The following SLC6A19 variants were observed in gnomAD, a reference collection of about 807,000 sequenced individuals.
SLC6A19 encodes solute carrier family 6 member 19, also known as sodium-dependent neutral amino acid transporter B(0)AT1.
In SLC6A19, 67 loss-of-function variants were observed where a neutral mutation model predicts 68.3. That is an observed-to-expected ratio of 0.98 (90% CI 0.81 to 1.20). The LOEUF (loss-of-function observed/expected upper bound fraction) is 1.20, where lower values mean the gene tolerates loss of function less well. Among genes scored for constraint, SLC6A19 ranks in the 50% most tolerant of loss-of-function variants. SLC6A19 has a pLI of 0.00. For missense variants in SLC6A19, 813 were observed against 851.6 expected, an observed-to-expected ratio of 0.95 and a Z score of 0.56; for synonymous variants, 392 against 374.9, an observed-to-expected ratio of 1.05 and a Z score of -0.53.
rs35329108 is a variant in SLC6A19, at chr5:1,216,785, G to A, written c.1017-4G>A. The A allele has an allele frequency of 0.23, 363,562 of 1,613,594 alleles. 42,374 individuals carry two copies. The highest frequency in any genetic ancestry group is 0.32 in the African/African-American group (24,006 of 75,004). Reference sequence around the variant, plus strand: ...GTGGCCGTCAGCCTCAATCTGACCCGCAGGAACATCCTGACCCTCATCAAC... The same window carrying A: ...GTGGCCGTCAGCCTCAATCTGACCCACAGGAACATCCTGACCCTCATCAAC... On this transcript the variant is annotated splice_polypyrimidine_tract_variant and splice_region_variant and intron_variant, in intron 7 of 11. Coordinates refer to ENST00000304460, the MANE Select transcript of SLC6A19 (RefSeq NM_001003841.3).
intron 5 of SLC6A19, 25 bp from the exon 6 acceptor site, chr5:1,213,928 G>A (rs1272417739): frequency 1.6e-5 from 26 of 1,611,586 alleles, no homozygotes; most frequent in South Asian, 2.2e-5. Context: ...CACCATGAGT[G>A]GCTGAGGGTC....
In SLC6A19 at chr5:1,203,364, C is replaced by T. The variant is rs1745767472; in HGVS notation, c.202+1512C>T. ...CTGGGAGCGAGCAGCTTTCAAGCAG[C>T]GGGTGCTGGCGCTGCACCCTGGGCC... On this transcript the variant is annotated intron_variant, in intron 1 of 11. Coordinates refer to ENST00000304460, the MANE Select transcript of SLC6A19 (RefSeq NM_001003841.3). Among the ~76,000 whole-genome samples, 4 of 152,310 alleles carry T rather than the reference C, an allele frequency of 2.6e-5. No homozygotes were observed. In the South Asian group the frequency reaches 8.3e-4, roughly 32 times the overall value.
intron 1 of SLC6A19, 63 bp from the exon 2 acceptor site, chr5:1,208,683 G>A (rs1181389344): frequency 1.1e-5 from 18 of 1,611,076 alleles, no homozygotes; most frequent in South Asian, 8.8e-5. Context: ...GCCTGCTCCC[G>A]AGGGAGGCCT....
rs1052478403 is a variant in SLC6A19 at position 1,219,245 on chromosome 5, G to A, written c.1378+138G>A. 3.9e-5 allele frequency: 39 copies of A among 998,464 alleles called. No individual in the cohort carries two copies. The East Asian group carries it at 5.9e-4, about 15-fold the overall frequency. The allele number at this position is 998,464 out of a possible 1,614,324, so 61.9% of individuals were successfully genotyped here. A position where few individuals can be genotyped will look rare whatever the true frequency, so the allele number is the denominator to read the frequency against. On this transcript the variant is annotated intron_variant, in intron 9 of 11. Transcript: ENST00000304460. The stretch of plus-strand genomic sequence containing the variant: ...TGAACAGCTCTGTCCCCGGCCGTGC[G>A]TGCAGCCCCCAGGCGTGTGAACAGC...
rs545364986 is a variant in SLC6A19 at position 1,221,433 on chromosome 5, ACACT to A, written c.1701+124_1701+127del. 2.7e-3 allele frequency: 3,518 copies of A among 1,279,876 alleles called. 9 individuals carry two copies. The highest frequency in any genetic ancestry group is 3.0e-3 in the Non-Finnish European group (2,695 of 908,966). 79.3% of individuals were successfully genotyped at this position (1,279,876 alleles called of 1,614,324 possible). On this transcript the variant is annotated intron_variant, in intron 11 of 11. Coordinates refer to ENST00000304460, the MANE Select transcript of SLC6A19 (RefSeq NM_001003841.3). ...CACACACCCACACACATGGGCACAC[ACACT>A]CACACTCAGGTGCAGTCCAGCCACC...
At position 1,216,578 on chromosome 5, in the gene SLC6A19, C is replaced by T. The variant is rs201212000; in HGVS notation, c.908C>T (p.Ser303Leu). 15 of 1,614,048 alleles carry T rather than the reference C, an allele frequency of 9.3e-6. No individual in the cohort carries two copies. Among genetic ancestry groups the T allele is most frequent in the Non-Finnish European group, 1.2e-5 (14 of 1,180,052 alleles). ...NSVHNNCEKD[S>L]VIVSIINGFT... is the part of the protein sequence containing the mutation. The stretch of plus-strand genomic sequence containing the variant: ...TGCAGCAACAACTGCGAGAAGGACT[C>T]GGTGATTGTGTCCATCATCAACGGC... Residue 303 changes from serine (S) to leucine (L), a missense_variant, in exon 7 of 12, where the codon TCG becomes TTG. Coordinates refer to ENST00000304460, the MANE Select transcript of SLC6A19 (RefSeq NM_001003841.3).
At position 1,216,876 on chromosome 5, in the gene SLC6A19, C is replaced by T. The variant is rs534566647; in HGVS notation, c.1104C>T (p.Asn368=). 28 of 1,613,598 alleles carry T rather than the reference C, an allele frequency of 1.7e-5. No homozygotes were observed. The Middle Eastern group carries it at 6.6e-4, about 38-fold the overall frequency. ...TTGTGGACATGCAGCAGCGGTGCAA[C>T]GCCTCCGACCCCGCGGCCTACGCGC... is the stretch of plus-strand genomic sequence containing the variant. ...ENFVDMQQRC[N]ASDPAAYAQL... Residue 368 remains asparagine (N), a synonymous_variant, in exon 8 of 12, where the codon AAC becomes AAT. Coordinates refer to ENST00000304460, the MANE Select transcript of SLC6A19 (RefSeq NM_001003841.3).
Position 1,212,436 on chromosome 5 carries a change from G to A in SLC6A19, c.615G>A (p.Trp205Ter). The A allele has an allele frequency of 6.2e-7, 1 of 1,611,610 alleles. No homozygotes were observed. The highest frequency in any genetic ancestry group is 1.1e-5 in the South Asian group (1 of 91,076). Residue 205 changes from tryptophan (W) to a stop codon, truncating the protein, a stop_gained, in exon 4 of 12, where the codon TGG becomes TGA. Coordinates refer to ENST00000304460, the MANE Select transcript of SLC6A19 (RefSeq NM_001003841.3). LOFTEE classifies it high-confidence loss of function. This position sits in a 1 kb window ranked among gnomAD's most constrained non-coding sequence, Gnocchi z 5.1. ...WWMLLCLACA[W>*]SVLYMCTIRG... The stretch of plus-strand genomic sequence containing the variant: ...TGCTGCTGTGCCTGGCCTGCGCATG[G>A]AGCGTCCTGTACATGTGCACCATCC...
In SLC6A19 at chr5:1,223,125, C is replaced by CG. The variant is rs1746442330; in HGVS notation, c.*1225dup. 6.6e-6 allele frequency: 1 copy of CG among 152,370 alleles called. No individual in the cohort carries two copies. The highest frequency in any genetic ancestry group is 2.4e-5 in the African/African-American group (1 of 41,578). The allele number at this position is 152,370 out of a possible 1,614,324, so 9.4% of individuals were successfully genotyped here. A position where few individuals can be genotyped will look rare whatever the true frequency, so the allele number is the denominator to read the frequency against. ...TCTGAGAAAACTTGGCCGCATCCAC[C>CG]GGGGCCCTGCCTCCAGTCGGCCGCT... On this transcript the variant is annotated 3_prime_UTR_variant, in exon 12 of 12. Transcript: ENST00000304460.
chr5:1,213,894 C>G, intron 5 of SLC6A19, 59 bp from the exon 6 acceptor site: 1 of 1,474,874 alleles, frequency 6.8e-7, no homozygotes, highest in Non-Finnish European at 9.1e-7. Flanking sequence ...AGCACACCCT[C>G]CCAGGTCCCC....
intron 10 of SLC6A19, among the ~76,000 whole-genome samples, chr5:1,220,396 T>C (rs1746341767): frequency 8.4e-6 from 1 of 119,168 alleles, no homozygotes; most frequent in South Asian, 2.7e-4. Flanking sequence ...GGTGACAAAA[T>C]GAGGCTCCAT....
rs775520547 is a variant in SLC6A19 at position 1,218,976 on chromosome 5, G to C, written c.1247G>C (p.Trp416Ser). The C allele has an allele frequency of 5.0e-6, 8 of 1,614,084 alleles. No homozygotes were observed. Among genetic ancestry groups the C allele is most frequent in the Middle Eastern group, 1.6e-4 (1 of 6,062 alleles). The change falls in exon 9 of 12, where the codon TGG becomes TCG. Residue 416 changes from tryptophan (W) to serine (S), a missense_variant. Physicochemically the swap from Trp to Ser is radical, Grantham distance 177 (BLOSUM62 -3). Coordinates refer to ENST00000304460, the MANE Select transcript of SLC6A19 (RefSeq NM_001003841.3). ...ACCAAGATGCCGTTGTCCCCACTGT[G>C]GTCTGTGCTCTTCTTCATTATGCTC... ...AITKMPLSPLWSVLFFIMLFC... is the reference protein window; with the variant it reads ...AITKMPLSPLSSVLFFIMLFC...
At chr5:1,221,052 C>CGCAGCACACCATCTGTTCGGGTA in intron 10 of SLC6A19, 99 bp from the exon 11 acceptor site, 2 of 1,489,246 alleles carry the variant, frequency 1.3e-6, no homozygotes, top group Non-Finnish European at 1.8e-6. Flanking sequence ...CCGGGCACCT[C>CGCAGCACACCATCTGTTCGGGTA]GCAGCACACC....
intron 3 of SLC6A19, among the ~76,000 whole-genome samples, chr5:1,211,266 G>T (rs542566743): frequency 7.9e-5 from 12 of 152,254 alleles, no homozygotes; most frequent in Non-Finnish European, 1.5e-4. Context: ...CGCTGGGACT[G>T]TCGGGGCCCT....
rs946880025 is a variant in SLC6A19, at chr5:1,212,955, GC to G, written c.663+477del. On this transcript the variant is annotated intron_variant, in intron 4 of 11. Coordinates refer to ENST00000304460, the MANE Select transcript of SLC6A19 (RefSeq NM_001003841.3). This position sits in a 1 kb window ranked among gnomAD's most constrained non-coding sequence, Gnocchi z 5.1. ...GTCCCCGTTCCCACTCGTCCCACAT[GC>G]CCCCCACCACAAGCACGGCCCCCCT... 7.5e-6 allele frequency among the ~76,000 whole-genome samples: 1 copy of G among 132,874 alleles called. No homozygotes were observed. Among genetic ancestry groups the G allele is most frequent in the African/African-American group, 2.9e-5 (1 of 34,342 alleles). The allele number at this position is 132,874 out of a possible 152,430, so 87.2% of individuals were successfully genotyped here.
chr5:1,201,768 C>A lies in SLC6A19; in HGVS notation c.118C>A (p.Gln40Lys), dbSNP rs1294354065. The A allele has an allele frequency of 6.2e-7, 1 of 1,612,696 alleles. No homozygotes were observed. Among genetic ancestry groups the A allele is most frequent in the African/African-American group, 1.3e-5 (1 of 74,934 alleles). ...SSRPKWDNKA[Q>K]YMLTCLGFCV... ...CCGGCCGAAGTGGGACAACAAGGCG[C>A]AGTACATGCTCACCTGCCTGGGCTT... Residue 40 changes from glutamine to lysine, a missense_variant, in exon 1 of 12, where the codon CAG becomes AAG. By Grantham distance (53) the Gln-to-Lys change is moderately conservative. Transcript: ENST00000304460.
rs1188469855 is a variant in SLC6A19, at chr5:1,214,852, G to C, written c.887+787G>C. On this transcript the variant is annotated intron_variant, in intron 6 of 11. Transcript: ENST00000304460. This position sits in a 1 kb window ranked among gnomAD's most constrained non-coding sequence, Gnocchi z 7.4. ...GGAGGGTGGGGCCTAGACTGGACGG[G>C]GGCCTGGGTAGGGAGGGTGGGCCCT... is the stretch of plus-strand genomic sequence containing the variant. 1.4e-5 allele frequency among the ~76,000 whole-genome samples: 2 copies of C among 148,104 alleles called. No individual in the cohort carries two copies. The highest frequency in any genetic ancestry group is 3.0e-5 in the Non-Finnish European group (2 of 65,932).
rs149830504 is a variant in SLC6A19 at position 1,201,767 on chromosome 5, G to A, written c.117G>A (p.Ala39=). ...ASSRPKWDNK[A]QYMLTCLGFC... is the part of the protein sequence containing the mutation. Reference sequence around the variant, plus strand: ...CCCGGCCGAAGTGGGACAACAAGGCGCAGTACATGCTCACCTGCCTGGGCT... The same window carrying A: ...CCCGGCCGAAGTGGGACAACAAGGCACAGTACATGCTCACCTGCCTGGGCT... The change falls in exon 1 of 12, where the codon GCG becomes GCA. Residue 39 remains alanine, a synonymous_variant. Transcript: ENST00000304460. 3.9e-4 allele frequency: 636 copies of A among 1,612,802 alleles called. 4 individuals carry two copies. In the African/African-American group the frequency reaches 6.5e-3, roughly 16 times the overall value.
rs1239247153 is a variant in SLC6A19, at chr5:1,213,576, A to C, written c.774+3A>C. ...TCGTCTTCCTCTTCACGCCCAACGT[A>C]AGTCCCCGAGGCTGCCCTGGGCCCA... On this transcript the variant is annotated splice_donor_region_variant and intron_variant, in intron 5 of 11. Transcript: ENST00000304460. 3 of 1,611,156 alleles carry C rather than the reference A, an allele frequency of 1.9e-6. No individual in the cohort carries two copies. In the South Asian group the frequency reaches 3.3e-5, roughly 18 times the overall value.
Sources: allele counts gnomAD v4.1 joint callset (sites outside exome capture counted in the v4.1 genomes callset), GRCh38; gene constraint gnomAD v4.1.1; non-coding constraint Gnocchi (gnomAD v3.1); transcripts MANE v1.5; gene names NCBI Gene and HGNC (gene_info 2026-07-23, HGNC 2026-07-21).